The following CASS4 variants were observed in gnomAD, a reference collection of about 807,000 sequenced individuals.
The protein encoded by CASS4 is cas scaffolding protein family member 4.
A neutral mutation model predicts 54.2 loss-of-function variants in CASS4; 22 were observed. The observed-to-expected ratio is 0.41, with a 90% CI of 0.29 to 0.58. The LOEUF (loss-of-function observed/expected upper bound fraction) is 0.58, where lower values mean the gene tolerates loss of function less well. Ranked by LOEUF, CASS4 falls within the 20% of genes least tolerant of loss-of-function variation. CASS4 has a pLI of 0.36. For missense variants in CASS4, 854 were observed against 986.7 expected, an observed-to-expected ratio of 0.87 and a Z score of 1.80; for synonymous variants, 409 against 391.5, an observed-to-expected ratio of 1.04 and a Z score of -0.53.
chr20:56,427,735 A>G (rs536877576), intron 1 of CASS4, among the ~76,000 whole-genome samples: 1 of 152,226 alleles, frequency 6.6e-6, no homozygotes, highest in Non-Finnish European at 1.5e-5. Context: ...TATTTATAGT[A>G]TATGCAGTTT....
At chr20:56,413,861 C>G (rs1028936470) in intron 1 of CASS4, among the ~76,000 whole-genome samples, 26 of 151,994 alleles carry the variant, frequency 1.7e-4, no homozygotes, top group Non-Finnish European at 3.5e-4. Context: ...TTCAGTAAAT[C>G]CCTGCATATC....
rs1462885588 is a variant in CASS4, at chr20:56,452,028, T to G, written c.852T>G (p.Ser284Arg). 2 of 1,614,190 alleles carry G rather than the reference T, an allele frequency of 1.2e-6. No homozygotes were observed. The highest frequency in any genetic ancestry group is 1.7e-6 in the Non-Finnish European group (2 of 1,180,030). The change falls in exon 5 of 6, where the codon AGT (serine) becomes AGG (arginine). Residue 284 changes from serine (S) to arginine (R), a missense_variant. By Grantham distance (110) the Ser-to-Arg change is moderately radical (BLOSUM62 -1). Coordinates refer to ENST00000679887, the MANE Select transcript of CASS4 (RefSeq NM_020356.4). ...SSSSTFYNPP[S>R]GRSRSLTPQL... Reference sequence around the variant, plus strand: ...GCTCCACTTTCTACAATCCTCCAAGTGGCAGATCCAGGTCCCTCACTCCAC... The same window carrying G: ...GCTCCACTTTCTACAATCCTCCAAGGGGCAGATCCAGGTCCCTCACTCCAC...
chr20:56,416,965 C>G (rs1037911691), intron 1 of CASS4, among the ~76,000 whole-genome samples: 8 of 152,130 alleles, frequency 5.3e-5, no homozygotes, highest in Non-Finnish European at 1.0e-4. Flanking sequence ...TTTTTTGTCT[C>G]TCTCCCATCT....
Position 56,452,985 on chromosome 20 carries a change from T to A in CASS4, c.1809T>A (p.Asn603Lys). ...EKEETVQLTP[N>K]AEFKCEKYIQ... ...AAGAGACTGTGCAGTTGACCCCAAA[T>A]GCAGAATTTAAGTGTGAAAAATACA... Residue 603 changes from asparagine (N) to lysine (K), a missense_variant, in exon 5 of 6, where the codon AAT becomes AAA. Asn to Lys is a moderately conservative substitution (Grantham distance 94). Coordinates refer to ENST00000679887, the MANE Select transcript of CASS4 (RefSeq NM_020356.4). 1 of 1,613,996 alleles carries A rather than the reference T, an allele frequency of 6.2e-7. No individual in the cohort carries two copies. Among genetic ancestry groups the A allele is most frequent in the Non-Finnish European group, 8.5e-7 (1 of 1,180,002 alleles).
rs77539228 is a variant in CASS4, at chr20:56,437,104, A to C, written c.37-60A>C. Reference sequence around the variant, plus strand: ...AAGCTTTCTAAGAGAGTGGGATTGGAGTAGCAGTCACTGGCCACGGTGCTA... The same window carrying C: ...AAGCTTTCTAAGAGAGTGGGATTGGCGTAGCAGTCACTGGCCACGGTGCTA... On this transcript the variant is annotated intron_variant, in intron 1 of 5. Transcript: ENST00000679887. The surrounding 1 kb of genome is among the most constrained non-coding windows in gnomAD (Gnocchi z 4.7). 37 of 1,381,972 alleles carry C rather than the reference A, an allele frequency of 2.7e-5. No individual in the cohort carries two copies. The highest frequency in any genetic ancestry group is 3.6e-5 in the Non-Finnish European group (36 of 1,013,232). The allele number at this position is 1,381,972 out of a possible 1,614,324, so 85.6% of individuals were successfully genotyped here. A position where few individuals can be genotyped will look rare whatever the true frequency, so the allele number is the denominator to read the frequency against.
At chr20:56,445,597 A>G (rs1189126209) in intron 2 of CASS4, among the ~76,000 whole-genome samples, 4 of 152,190 alleles carry the variant, frequency 2.6e-5, no homozygotes, top group Non-Finnish European at 4.4e-5. Context: ...CTCGACACCC[A>G]GAGACTCCGT....
chr20:56,422,585 C>A (rs950551097), intron 1 of CASS4, among the ~76,000 whole-genome samples: 1 of 151,440 alleles, frequency 6.6e-6, no homozygotes, highest in Non-Finnish European at 1.5e-5. Context: ...TTCATTTCCA[C>A]TGGGTGGCTT....
chr20:56,441,167 AT>A (rs202139822), intron 2 of CASS4, among the ~76,000 whole-genome samples: 11,061 of 150,642 alleles, frequency 0.073, 949 homozygotes, highest in African/African-American at 0.21. Context: ...TTTTTTTTGT[AT>A]TTTTTAGTAG....
Position 56,451,896 on chromosome 20 carries a change from G to A in CASS4, c.720G>A (p.Ser240=), listed in dbSNP as rs759293290. The A allele has an allele frequency of 2.2e-5, 35 of 1,614,088 alleles. No individual in the cohort carries two copies. The highest frequency in any genetic ancestry group is 1.0e-4 in the Admixed American group (6 of 60,002). Residue 240 remains serine (S), a synonymous_variant, in exon 5 of 6, where the codon TCG becomes TCA. Transcript: ENST00000679887. The part of the protein sequence containing the change: ...GYSTLPNPQK[S]EWIYDTPVSP... ...GCACATTACCAAATCCTCAGAAATC[G>A]GAATGGATTTATGACACTCCAGTGT...
At position 56,456,380 on chromosome 20, in the gene CASS4, C is replaced by CTT. The variant is rs35814212; in HGVS notation, c.1954-1950_1954-1949dup. Among the ~76,000 whole-genome samples the CTT allele has an allele frequency of 4.0e-3, 597 of 148,812 alleles. 12 individuals are homozygous for CTT. Among genetic ancestry groups the CTT allele is most frequent in the East Asian group, 3.7e-3 (19 of 5,088 alleles). ...TACTTCTCGTTATTTCTAAACTCTT[C>CTT]TTTTTTTTTTTGAGACGAAGTCTTG... On this transcript the variant is annotated intron_variant, in intron 5 of 5. Transcript: ENST00000679887.
At chr20:56,433,120 C>T (rs1016625512) in intron 1 of CASS4, among the ~76,000 whole-genome samples, 2 of 152,224 alleles carry the variant, frequency 1.3e-5, no homozygotes, top group Non-Finnish European at 2.9e-5. Flanking sequence ...TCTCCTGGAG[C>T]TTACGTTCTT....
intron 1 of CASS4, among the ~76,000 whole-genome samples, chr20:56,417,199 T>G (rs1257813232): frequency 6.6e-6 from 1 of 152,198 alleles, no homozygotes; most frequent in African/African-American, 2.4e-5. Flanking sequence ...AGGTTCTCTT[T>G]GTACCTTTAG....
chr20:56,445,066 C>G (rs755275115), intron 2 of CASS4, among the ~76,000 whole-genome samples: 2 of 151,654 alleles, frequency 1.3e-5, no homozygotes, highest in African/African-American at 4.9e-5. Context: ...GCCGAGATCG[C>G]GCCATTGCAC....
At chr20:56,416,961 GTC>G (rs1979167249) in intron 1 of CASS4, among the ~76,000 whole-genome samples, 1 of 151,952 alleles carries the variant, frequency 6.6e-6, no homozygotes, top group Non-Finnish European at 1.5e-5. Flanking sequence ...AATCTTTTTT[GTC>G]TCTCTCCCAT....
intron 1 of CASS4, among the ~76,000 whole-genome samples, chr20:56,416,561 G>T (rs1489010778): frequency 1.3e-5 from 2 of 149,338 alleles, no homozygotes; most frequent in Non-Finnish European, 3.0e-5. Context: ...GTGTGTGTAT[G>T]CACACATGCC....
At position 56,458,725 on chromosome 20, in the gene CASS4, A is replaced by G. The variant is rs1353647666; in HGVS notation, c.2339A>G (p.Gln780Arg). 2 of 1,607,854 alleles carry G rather than the reference A, an allele frequency of 1.2e-6. No individual in the cohort carries two copies. Among genetic ancestry groups the G allele is most frequent in the South Asian group, 1.1e-5 (1 of 90,636 alleles). ...GAGAAGCTGGAGCAACACACGCGGC[A>G]GTTCAGAGGGACACTGGGATGAGGA... Reference protein sequence around the residue: ...EAEKLEQHTRQFRGTLG With the variant: ...EAEKLEQHTRRFRGTLG The change falls in exon 6 of 6, where the codon CAG (glutamine) becomes CGG (arginine). Residue 780 changes from glutamine (Q) to arginine (R), a missense_variant. Physicochemically the swap from Gln to Arg is conservative, Grantham distance 43. Transcript: ENST00000679887.
chr20:56,412,036 A>G (rs1978900954), upstream of CASS4: 2 of 216,540 alleles, frequency 9.2e-6, no homozygotes, highest in Admixed American at 1.2e-4. The surrounding 1 kb of genome is among the most constrained non-coding windows in gnomAD (Gnocchi z 4.2). Context: ...GAGTTGTTCC[A>G]CAGAGTTCAA....
At chr20:56,417,868 C>G (rs1979221868) in intron 1 of CASS4, among the ~76,000 whole-genome samples, 1 of 152,248 alleles carries the variant, frequency 6.6e-6, no homozygotes, top group Non-Finnish European at 1.5e-5. Flanking sequence ...TGTCCATGGT[C>G]AGATGTTGCC....
In CASS4 at chr20:56,452,450, C is replaced by T. The variant is rs1981073474; in HGVS notation, c.1274C>T (p.Ser425Phe). The T allele has an allele frequency of 6.2e-7, 1 of 1,613,814 alleles. No individual in the cohort carries two copies. Among genetic ancestry groups the T allele is most frequent in the African/African-American group, 1.3e-5 (1 of 74,908 alleles). ...TCCACCGACGACTCCTCCAGCTCTTCCTCGGAGGAGTCAGCAAAGGAGCTC... is the reference window on the plus strand; with the variant it reads ...TCCACCGACGACTCCTCCAGCTCTTTCTCGGAGGAGTCAGCAAAGGAGCTC... ...TTSTDDSSSS[S>F]SEESAKELSL... The change falls in exon 5 of 6, where the codon TCC becomes TTC. Residue 425 changes from serine (S) to phenylalanine (F), a missense_variant. Physicochemically the swap from Ser to Phe is radical, Grantham distance 155. Transcript: ENST00000679887.
Sources: gnomAD v4.1 joint callset for allele counts (sites outside exome capture counted in the v4.1 genomes callset) on GRCh38, gnomAD v4.1.1 for gene constraint, Gnocchi (gnomAD v3.1) non-coding constraint, MANE v1.5 for transcripts, NCBI Gene and HGNC (gene_info 2026-07-23, HGNC 2026-07-21) for gene names.